The following NAA25 variants were observed in gnomAD, a reference collection of about 807,000 sequenced individuals.
NAA25 encodes the protein N-terminal acetyltransferase B complex subunit NAA25.
A neutral mutation model predicts 132.5 loss-of-function variants in NAA25; 30 were observed. The observed-to-expected ratio is 0.23, with a 90% CI of 0.17 to 0.31. The LOEUF (loss-of-function observed/expected upper bound fraction) is 0.31, where lower values mean the gene tolerates loss of function less well. Ranked by LOEUF, NAA25 falls within the 10% of genes least tolerant of loss-of-function variation. The pLI is 1.00. For synonymous variants in NAA25, 359 were observed against 401.9 expected (o/e 0.89, Z 1.28); for missense variants, 771 against 1,150.4 (o/e 0.67, Z 4.77).
chr12:112,087,200 A>G (rs914645440), intron 4 of NAA25, among the ~76,000 whole-genome samples: 3 of 150,296 alleles, frequency 2.0e-5, no homozygotes, highest in Admixed American at 1.3e-4. Flanking sequence ...CCTCAAACCA[A>G]AAAACAAAAA....
Position 112,078,640 on chromosome 12 carries a change from C to T in NAA25, c.579G>A (p.Glu193=), listed in dbSNP as rs748156018. The T allele has an allele frequency of 6.2e-7, 1 of 1,613,152 alleles. No homozygotes were observed. The highest frequency in any genetic ancestry group is 8.5e-7 in the Non-Finnish European group (1 of 1,179,346). Reference sequence around the variant, plus strand: ...TAAGGCTTAAAATACTCACTTCAGCCTCAGCTTCTATCTTGTCCTCTTTCA... The same window carrying T: ...TAAGGCTTAAAATACTCACTTCAGCTTCAGCTTCTATCTTGTCCTCTTTCA... ...KMVKEDKIEA[E]AEVELYYMIL... is the part of the protein sequence containing the mutation. Residue 193 remains glutamate, a synonymous_variant, in exon 6 of 24, where the codon GAG becomes GAA. Coordinates refer to ENST00000261745, the MANE Select transcript of NAA25 (RefSeq NM_024953.4).
At position 112,040,490 on chromosome 12, in the gene NAA25, G is replaced by T; in HGVS notation, c.2529C>A (p.Phe843Leu). The T allele has an allele frequency of 6.3e-7, 1 of 1,581,916 alleles. No individual in the cohort carries two copies. Among genetic ancestry groups the T allele is most frequent in the Admixed American group, 1.7e-5 (1 of 58,670 alleles). ...THPTLLENLV[F>L]FVETISVILW... ...GAGAACAAAAACTTACCTCAACAAA[G>T]AAAACTAGATTTTCTAAAAGAGTAG... Residue 843 changes from phenylalanine to leucine, a missense_variant, in exon 21 of 24, where the codon TTC (phenylalanine) becomes TTA (leucine). Physicochemically the swap from Phe to Leu is conservative, Grantham distance 22. Coordinates refer to ENST00000261745, the MANE Select transcript of NAA25 (RefSeq NM_024953.4).
intron 4 of NAA25, among the ~76,000 whole-genome samples, chr12:112,085,820 C>T (rs2079038124): frequency 6.7e-6 from 1 of 150,238 alleles, no homozygotes; most frequent in Admixed American, 6.7e-5. Flanking sequence ...GAGTTCGAGA[C>T]CAGCCTGGCC....
intron 1 of NAA25, among the ~76,000 whole-genome samples, chr12:112,094,081 A>C (rs1409247638): frequency 6.6e-6 from 1 of 151,808 alleles, no homozygotes; most frequent in Non-Finnish European, 1.5e-5. Context: ...TCTACTAAAA[A>C]ATACAAAAAA....
At chr12:112,086,193 G>A (rs894714652) in intron 4 of NAA25, among the ~76,000 whole-genome samples, 4 of 149,358 alleles carry the variant, frequency 2.7e-5, no homozygotes, top group Admixed American at 1.3e-4. Flanking sequence ...ATTACATTGG[G>A]ACCCCTCAAA....
chr12:112,068,931 A>G lies in NAA25; in HGVS notation c.1098T>C (p.Phe366=), dbSNP rs748762913. The G allele has an allele frequency of 6.2e-7, 1 of 1,613,784 alleles. No homozygotes were observed. Among genetic ancestry groups the G allele is most frequent in the African/African-American group, 1.3e-5 (1 of 75,056 alleles). ...GGTCAACAAACACCTTAAGGTCTGT[A>G]AAACAACAAGGTTTATCGCCAAACT... ...FKKFGDKPCC[F]TDLKVFVDLL... Residue 366 remains phenylalanine (F), a synonymous_variant, in exon 11 of 24, where the codon TTT becomes TTC. Coordinates refer to ENST00000261745, the MANE Select transcript of NAA25 (RefSeq NM_024953.4).
chr12:112,066,740 GA>G (rs1274363886), intron 11 of NAA25, among the ~76,000 whole-genome samples: 1 of 152,166 alleles, frequency 6.6e-6, no homozygotes, highest in African/African-American at 2.4e-5. Context: ...AAACCAACGT[GA>G]ATGGCAGCAG....
chr12:112,086,248 C>A (rs972175781), intron 4 of NAA25, among the ~76,000 whole-genome samples: 5 of 151,318 alleles, frequency 3.3e-5, no homozygotes, highest in African/African-American at 1.2e-4. Flanking sequence ...GTAATCCCAG[C>A]ATTTTGGGAG....
At chr12:112,107,382 T>G (rs1448085640) in intron 1 of NAA25, among the ~76,000 whole-genome samples, 1 of 141,790 alleles carries the variant, frequency 7.1e-6, no homozygotes, top group African/African-American at 2.7e-5. Flanking sequence ...TCCTCATCTG[T>G]TTTTTTTTTT....
At chr12:112,059,813 T>TG (rs1378860885) in intron 13 of NAA25, among the ~76,000 whole-genome samples, 1 of 151,390 alleles carries the variant, frequency 6.6e-6, no homozygotes, top group Non-Finnish European at 1.5e-5. Flanking sequence ...GAGACAGGTT[T>TG]TTTTTTTTTT....
rs748709475 is a variant in NAA25, at chr12:112,054,516, G to A, written c.1500C>T (p.Thr500=). ...TGAACTGAGCATTGGAAGGGCTATG[G>A]GTTAATCCCTCTTCCAGCAAAGTCA... The part of the protein sequence containing the change: ...QALTLLEEGL[T]HSPSNAQFKL... Residue 500 remains threonine (T), a synonymous_variant, in exon 14 of 24, where the codon ACC becomes ACT. Transcript: ENST00000261745. 1.2e-6 allele frequency: 2 copies of A among 1,614,082 alleles called. No individual in the cohort carries two copies. The highest frequency in any genetic ancestry group is 2.2e-5 in the South Asian group (2 of 91,074).
At chr12:112,033,597 A>G (rs2078180377) in intron 22 of NAA25, 1 of 320,844 alleles carries the variant, frequency 3.1e-6, no homozygotes, top group African/African-American at 2.4e-5. Context: ...AAATACTTAA[A>G]TAAAAAAAAA....
chr12:112,100,211 G>A (rs1035487047), intron 1 of NAA25, among the ~76,000 whole-genome samples: 5 of 152,166 alleles, frequency 3.3e-5, no homozygotes, highest in Non-Finnish European at 7.3e-5. Flanking sequence ...CACCAGGCTG[G>A]AGTGCAGTGG....
chr12:112,108,610 TGCCCGGCCCGCGCGCCG>T, intron 1 of NAA25, 89 bp downstream of exon 1: 1 of 1,173,294 alleles, frequency 8.5e-7, no homozygotes, highest in South Asian at 4.1e-5. Flanking sequence ...CCCCTGCGCC[TGCCCGGCCCGCGCGCCG>T]GCCCTCAGCA....
rs753099423 is a variant in NAA25 at position 112,081,149 on chromosome 12, T to C, written c.403-15A>G. 2 of 1,597,536 alleles carry C rather than the reference T, an allele frequency of 1.3e-6. No individual in the cohort carries two copies. Among genetic ancestry groups the C allele is most frequent in the East Asian group, 2.2e-5 (1 of 44,788 alleles). On this transcript the variant is annotated splice_polypyrimidine_tract_variant and intron_variant, in intron 4 of 23. Transcript: ENST00000261745. ...GCCATGCCAGCCTAAAAGAGAACCA[T>C]AAATATTTTATTTAGAAAACACCAT...
At chr12:112,062,658 G>A (rs923154720) in intron 11 of NAA25, among the ~76,000 whole-genome samples, 8 of 150,792 alleles carry the variant, frequency 5.3e-5, no homozygotes, top group African/African-American at 9.8e-5. Flanking sequence ...CCCAGGAGGC[G>A]GTGGTTGCAG....
intron 8 of NAA25, 102 bp downstream of exon 8, chr12:112,075,576 C>T (rs1404713247): frequency 3.2e-6 from 3 of 925,456 alleles, no homozygotes; most frequent in Admixed American, 2.5e-5. Flanking sequence ...TATAAGAAGA[C>T]TTTATGCCCA....
In NAA25 at chr12:112,028,580, C is replaced by T. The variant is rs555468562; in HGVS notation, c.*951G>A. 1 of 152,230 alleles carries T rather than the reference C, an allele frequency of 6.6e-6. No individual in the cohort carries two copies. The highest frequency in any genetic ancestry group is 2.1e-4 in the South Asian group (1 of 4,830). 9.4% of individuals were successfully genotyped at this position (152,230 alleles called of 1,614,324 possible). ...CATTCCTTCCTTCCCAAACCCCCCA[C>T]ACTTAAAACATTAAAGTATTAAATC... On this transcript the variant is annotated 3_prime_UTR_variant, in exon 24 of 24. Coordinates refer to ENST00000261745, the MANE Select transcript of NAA25 (RefSeq NM_024953.4).
At chr12:112,071,508 A>AT (rs2078808161) in intron 10 of NAA25, among the ~76,000 whole-genome samples, 1 of 150,290 alleles carries the variant, frequency 6.7e-6, no homozygotes. Flanking sequence ...ATTTTTTTGT[A>AT]TTTTTTGTAG....
Sources: allele counts gnomAD v4.1 joint callset (sites outside exome capture counted in the v4.1 genomes callset), GRCh38; gene constraint gnomAD v4.1.1; transcripts MANE v1.5; gene names NCBI Gene and HGNC (gene_info 2026-07-23, HGNC 2026-07-21).